DOP1B: variants seen among roughly 807,000 people sequenced by gnomAD.
The protein encoded by DOP1B is DOP1 leucine zipper like protein B.
Under a neutral mutation model 233.5 loss-of-function variants are expected in DOP1B, and 174 were observed. The ratio of observed to expected loss-of-function variants is 0.75; its 90% confidence interval spans 0.66 to 0.85. The LOEUF is 0.85. DOP1B is among the 40% of genes least tolerant of loss of function. DOP1B has a pLI of 0.00. For synonymous variants in DOP1B, 1,190 were observed against 1,185.6 expected (o/e 1.00, Z -0.08); for missense variants, 2,652 against 2,846.6 (o/e 0.93, Z 1.56).
chr21:36,236,928 G>A (rs1178942216), intron 15 of DOP1B, among the ~76,000 whole-genome samples: 1 of 151,764 alleles, frequency 6.6e-6, no homozygotes, highest in Non-Finnish European at 1.5e-5. Context: ...GGGATTACAG[G>A]TGCCCGCCGC....
intron 2 of DOP1B, among the ~76,000 whole-genome samples, chr21:36,177,917 C>G (rs1006109693): frequency 7.2e-5 from 11 of 152,160 alleles, no homozygotes; most frequent in Non-Finnish European, 1.5e-5. Flanking sequence ...AAATATCCAG[C>G]AATCTAACAG....
intron 24 of DOP1B, chr21:36,261,151 G>A: frequency 1.0e-6 from 1 of 957,112 alleles, no homozygotes; most frequent in South Asian, 4.6e-5. Flanking sequence ...GATCACTTGA[G>A]GCCAGGAGTT....
rs150510391 is a variant in DOP1B at position 36,261,886 on chromosome 21, G to C, written c.5315+1154G>C. On this transcript the variant is annotated intron_variant, in intron 24 of 36. Coordinates refer to ENST00000691173, the MANE Select transcript of DOP1B (RefSeq NM_001320714.2). ...AGATCACACCACTGCACTCCAGGCT[G>C]GGGGACAGAATGAGACTCTATCTCA... 7 of 847,470 alleles carry C rather than the reference G, an allele frequency of 8.3e-6. No individual in the cohort carries two copies. The South Asian group carries it at 3.8e-4, about 46-fold the overall frequency. The allele number at this position is 847,470 out of a possible 1,614,324, so 52.5% of individuals were successfully genotyped here.
At chr21:36,290,400 C>A (rs1218107758) in intron 35 of DOP1B, among the ~76,000 whole-genome samples, 1 of 152,186 alleles carries the variant, frequency 6.6e-6, no homozygotes, top group African/African-American at 2.4e-5. Context: ...GTGGCTCACA[C>A]CTGTAATCCC....
rs1391211587 is a variant in DOP1B at position 36,208,785 on chromosome 21, A to G, written c.562A>G (p.Ser188Gly). 6.2e-7 allele frequency: 1 copy of G among 1,612,308 alleles called. No individual in the cohort carries two copies. Among genetic ancestry groups the G allele is most frequent in the East Asian group, 2.2e-5 (1 of 44,734 alleles). Residue 188 changes from serine to glycine, a missense_variant, in exon 5 of 37, where the codon AGC becomes GGC. This residue lies in a region of DOP1B where 2,617 missense variants were observed against 2,794.3 expected (regional missense o/e 0.94). Coordinates refer to ENST00000691173, the MANE Select transcript of DOP1B (RefSeq NM_001320714.2). ...KEVFYTALWG[S>G]VLASPSIRLP... ...GGTGTTTTACACCGCCCTCTGGGGG[A>G]GCGTCCTGGCCAGCCCGTCCATCCG...
chr21:36,280,673 A>G (rs2067404999), intron 31 of DOP1B, among the ~76,000 whole-genome samples: 1 of 152,204 alleles, frequency 6.6e-6, no homozygotes, highest in Non-Finnish European at 1.5e-5. Flanking sequence ...TACACCTCAG[A>G]TCCCTTCTCA....
chr21:36,205,025 C>T (rs1057145469), intron 4 of DOP1B, among the ~76,000 whole-genome samples: 3 of 151,570 alleles, frequency 2.0e-5, no homozygotes, highest in African/African-American at 7.3e-5. Flanking sequence ...TTTTTTTTGC[C>T]CCCTCTTTAG....
chr21:36,180,933 A>G (rs76819500), intron 2 of DOP1B, among the ~76,000 whole-genome samples: 3,003 of 152,314 alleles, frequency 0.02, 88 homozygotes, highest in African/African-American at 0.069. Flanking sequence ...TTCTTCTTAA[A>G]TAAGACCTTC....
chr21:36,242,190 TGA>T (rs1190795540), intron 18 of DOP1B, among the ~76,000 whole-genome samples: 1 of 150,488 alleles, frequency 6.6e-6, no homozygotes, highest in African/African-American at 2.4e-5. Flanking sequence ...TTATTATTAT[TGA>T]AGAAGAGTCT....
chr21:36,289,315 G>A (rs970198610), intron 35 of DOP1B, 109 bp downstream of exon 35: 3 of 1,159,036 alleles, frequency 2.6e-6, no homozygotes, highest in Non-Finnish European at 3.7e-6. Context: ...CCACCATCTG[G>A]GTTTCTAGTG....
intron 2 of DOP1B, among the ~76,000 whole-genome samples, chr21:36,173,846 A>G (rs1487702997): frequency 6.7e-6 from 1 of 150,356 alleles, no homozygotes; most frequent in Non-Finnish European, 1.5e-5. Flanking sequence ...TGGATTTAAA[A>G]ATCTTATCAT....
chr21:36,164,935 A>G, intron 2 of DOP1B, 64 bp downstream of exon 2: 5 of 1,330,522 alleles, frequency 3.8e-6, no homozygotes, highest in East Asian at 2.7e-5. Flanking sequence ...TTTTATTATT[A>G]TAAGAAATTA....
rs1200355200 is a variant in DOP1B, at chr21:36,246,030, G to A, written c.4050G>A (p.Glu1350=). ...GGGACGTGCAGGTCAAAAGTGTCGAGGTTTTGATCAGGATAATGATGCAGC... is the reference window on the plus strand; with the variant it reads ...GGGACGTGCAGGTCAAAAGTGTCGAAGTTTTGATCAGGATAATGATGCAGC... ...GNRDVQVKSV[E]VLIRIMMQLV... Residue 1350 remains glutamate (E), a synonymous_variant, in exon 19 of 37, where the codon GAG becomes GAA. Transcript: ENST00000691173. This position sits in a 1 kb window ranked among gnomAD's most constrained non-coding sequence, Gnocchi z 5.1. 2 of 1,613,904 alleles carry A rather than the reference G, an allele frequency of 1.2e-6. No individual in the cohort carries two copies. Among genetic ancestry groups the A allele is most frequent in the East Asian group, 2.2e-5 (1 of 44,870 alleles).
intron 2 of DOP1B, among the ~76,000 whole-genome samples, chr21:36,166,980 C>T (rs1266428204): frequency 6.6e-6 from 1 of 152,104 alleles, no homozygotes; most frequent in East Asian, 1.9e-4. Context: ...CTTGCAAATT[C>T]TTTGGTTTTA....
At chr21:36,176,433 G>A (rs551900386) in intron 2 of DOP1B, among the ~76,000 whole-genome samples, 2 of 152,248 alleles carry the variant, frequency 1.3e-5, no homozygotes, top group South Asian at 2.1e-4. Context: ...CCTGCAGGGT[G>A]CCTGGTTTCA....
In DOP1B at chr21:36,214,506, A is replaced by G. The variant is rs1601417328; in HGVS notation, c.1079A>G (p.Tyr360Cys). The change falls in exon 9 of 37, where the codon TAC becomes TGC. Residue 360 changes from tyrosine to cysteine, a missense_variant. By Grantham distance (194) the Tyr-to-Cys change is radical. Transcript: ENST00000691173. ...GACGTGGAGGAACGCCATCATGCAT[A>G]CCTGAAGCCTTTTCGCGTCCTCATC... ...DADVEERHHA[Y>C]LKPFRVLISL... 6.2e-7 allele frequency: 1 copy of G among 1,613,886 alleles called. No homozygotes were observed. Among genetic ancestry groups the G allele is most frequent in the Non-Finnish European group, 8.5e-7 (1 of 1,180,018 alleles).
At chr21:36,290,922 A>G (rs908103845) in intron 35 of DOP1B, among the ~76,000 whole-genome samples, 4 of 151,854 alleles carry the variant, frequency 2.6e-5, no homozygotes, top group Non-Finnish European at 4.4e-5. Flanking sequence ...GTGAGCCGAC[A>G]TCGCACCACT....
At chr21:36,213,975 C>A in intron 7 of DOP1B, 106 bp from the exon 8 acceptor site, 1 of 991,790 alleles carries the variant, frequency 1.0e-6, no homozygotes, top group Non-Finnish European at 1.5e-6. Context: ...GGTTTTCCAT[C>A]AGAAGAATGA....
chr21:36,245,113 C>T lies in DOP1B; in HGVS notation c.3133C>T (p.Pro1045Ser). The T allele has an allele frequency of 6.2e-7, 1 of 1,613,638 alleles. No homozygotes were observed. Among genetic ancestry groups the T allele is most frequent in the Non-Finnish European group, 8.5e-7 (1 of 1,179,746 alleles). ...SFREACAVPE[P>S]QESGSEEHLP... ...CAGAGAGGCATGCGCAGTGCCCGAG[C>T]CTCAGGAGAGCGGCTCTGAAGAGCA... The change falls in exon 19 of 37, where the codon CCT (proline) becomes TCT (serine). Residue 1045 changes from proline (P) to serine (S), a missense_variant. This residue lies in a region of DOP1B where 2,617 missense variants were observed against 2,794.3 expected (regional missense o/e 0.94). Coordinates refer to ENST00000691173, the MANE Select transcript of DOP1B (RefSeq NM_001320714.2). This position sits in a 1 kb window ranked among gnomAD's most constrained non-coding sequence, Gnocchi z 5.5.
Sources: gnomAD v4.1 joint callset for allele counts (sites outside exome capture counted in the v4.1 genomes callset) on GRCh38, gnomAD v4.1.1 for gene constraint, gnomAD v4.1.1 regional missense constraint, Gnocchi (gnomAD v3.1) non-coding constraint, MANE v1.5 for transcripts, NCBI Gene and HGNC (gene_info 2026-07-23, HGNC 2026-07-21) for gene names.